PAM: variants seen among roughly 807,000 people sequenced by gnomAD.
PAM encodes the protein peptidylglycine alpha-amidating monooxygenase, also known as peptidyl-glycine alpha-amidating monooxygenase.
Under a neutral mutation model 122.1 loss-of-function variants are expected in PAM, and 72 were observed. The observed-to-expected ratio is 0.59, with a 90% CI of 0.49 to 0.72. The LOEUF is 0.72. PAM is among the 30% of genes least tolerant of loss of function. The probability of loss-of-function intolerance (pLI) is 0.00; values close to 1 mark genes in which losing one functional copy is unlikely to be tolerated. For missense variants in PAM, 1,106 were observed against 1,183.7 expected (o/e 0.93, Z 0.96); for synonymous variants, 389 against 404.4 (o/e 0.96, Z 0.46).
chr5:102,855,288 A>G (rs1046010663), intron 1 of PAM, among the ~76,000 whole-genome samples: 1 of 152,220 alleles, frequency 6.6e-6, no homozygotes, highest in Non-Finnish European at 1.5e-5. Flanking sequence ...ATAGGGTTAT[A>G]TGATTATAGA....
At chr5:102,972,048 A>T (rs1765991285) in intron 14 of PAM, among the ~76,000 whole-genome samples, 1 of 152,190 alleles carries the variant, frequency 6.6e-6, no homozygotes, top group African/African-American at 2.4e-5. Flanking sequence ...TAAATGATAA[A>T]TTCACATGAA....
chr5:103,007,304 A>G (rs1173914691), intron 19 of PAM, 153 bp from the exon 20 acceptor site: 1 of 677,544 alleles, frequency 1.5e-6, no homozygotes, highest in African/African-American at 1.8e-5. Flanking sequence ...GATAAAAGAC[A>G]TTATAAAATA....
rs868817922 is a variant in PAM at position 102,866,026 on chromosome 5, C to A, written c.-170C>A. 22 of 458,492 alleles carry A rather than the reference C, an allele frequency of 4.8e-5. No individual in the cohort carries two copies. Among genetic ancestry groups the A allele is most frequent in the Middle Eastern group, 5.5e-4 (1 of 1,808 alleles). 28.4% of individuals were successfully genotyped at this position (458,492 alleles called of 1,614,324 possible). On this transcript the variant is annotated 5_prime_UTR_variant, in exon 2 of 26. Transcript: ENST00000438793. ...GCCGCTCGTGACCGAGACGCCTCGC[C>A]GCGGCCAGCTCGCTGCTCTCGCTGG...
chr5:102,844,407 G>A (rs1779435827), intron 1 of PAM, among the ~76,000 whole-genome samples: 1 of 152,152 alleles, frequency 6.6e-6, no homozygotes, highest in South Asian at 2.1e-4. Flanking sequence ...AAACATGCCT[G>A]TAATTCCAGC....
At chr5:102,834,486 A>G (rs1223833633) in intron 1 of PAM, among the ~76,000 whole-genome samples, 2 of 152,294 alleles carry the variant, frequency 1.3e-5, no homozygotes, top group East Asian at 3.9e-4. Context: ...AAAACAAGTC[A>G]TATTGTAATG....
chr5:102,799,991 C>G (rs1348122176), intron 1 of PAM, among the ~76,000 whole-genome samples: 2 of 152,216 alleles, frequency 1.3e-5, no homozygotes, highest in Non-Finnish European at 2.9e-5. Context: ...CCCAAATTTA[C>G]ATTTCCAGTC....
intron 14 of PAM, among the ~76,000 whole-genome samples, chr5:102,967,463 A>G (rs1764445212): frequency 6.6e-6 from 1 of 152,188 alleles, no homozygotes; most frequent in Admixed American, 6.5e-5. Flanking sequence ...GCAAGGGCTG[A>G]CATTTTTAAC....
At position 102,882,104 on chromosome 5, in the gene PAM, T is replaced by C. The variant is rs201461842; in HGVS notation, c.210+14711T>C. Among the ~76,000 whole-genome samples, 49 of 98,670 alleles carry C rather than the reference T, an allele frequency of 5.0e-4. 3 individuals are homozygous for C. The East Asian group carries it at 7.1e-3, about 14-fold the overall frequency. The allele number at this position is 98,670 out of a possible 152,430, so 64.7% of individuals were successfully genotyped here. On this transcript the variant is annotated intron_variant, in intron 3 of 25. Coordinates refer to ENST00000438793, the MANE Select transcript of PAM (RefSeq NM_001177306.2). ...ATATATATATATATATATATATATA[T>C]ATATATACACCACATTTTCTTTATC...
At chr5:103,008,004 A>C (rs1779547913) in intron 20 of PAM, among the ~76,000 whole-genome samples, 1 of 152,154 alleles carries the variant, frequency 6.6e-6, no homozygotes, top group Admixed American at 6.5e-5. Flanking sequence ...TGATAAAATC[A>C]GTATTCAAAA....
At chr5:102,755,854 C>T (rs1362495963) in intron 1 of PAM, among the ~76,000 whole-genome samples, 1 of 152,062 alleles carries the variant, frequency 6.6e-6, no homozygotes, top group Non-Finnish European at 1.5e-5. Flanking sequence ...GGGGCGAGTG[C>T]CGGGAAGCAG....
chr5:102,859,534 T>C (rs1783557500), intron 1 of PAM, among the ~76,000 whole-genome samples: 1 of 152,142 alleles, frequency 6.6e-6, no homozygotes, highest in Non-Finnish European at 1.5e-5. Context: ...TTAAACAATT[T>C]TTAAAAGTTT....
intron 1 of PAM, among the ~76,000 whole-genome samples, chr5:102,793,009 C>T (rs992067366): frequency 6.6e-6 from 1 of 152,170 alleles, no homozygotes; most frequent in African/African-American, 2.4e-5. Flanking sequence ...CCTTTGGCAT[C>T]ATGGTTGGTT....
chr5:102,892,782 C>T (rs183961778), intron 3 of PAM, among the ~76,000 whole-genome samples: 1 of 151,780 alleles, frequency 6.6e-6, no homozygotes, highest in Non-Finnish European at 1.5e-5. Flanking sequence ...TACATACTGT[C>T]TTTAACAGGA....
chr5:102,930,797 G>C, intron 7 of PAM, among the ~76,000 whole-genome samples: 1 of 152,184 alleles, frequency 6.6e-6, no homozygotes. Flanking sequence ...TTGCAGCTTA[G>C]GAAGGCCAGA....
At chr5:102,862,223 C>CTTT (rs1156490190) in intron 1 of PAM, among the ~76,000 whole-genome samples, 1 of 135,742 alleles carries the variant, frequency 7.4e-6, no homozygotes, top group African/African-American at 2.7e-5. Flanking sequence ...CACATATTGT[C>CTTT]TTTTTTTTTT....
intron 1 of PAM, among the ~76,000 whole-genome samples, chr5:102,756,794 T>C (rs1750501501): frequency 6.6e-6 from 1 of 152,094 alleles, no homozygotes; most frequent in African/African-American, 2.4e-5. Flanking sequence ...AGAATTGATA[T>C]TAAATGGTAA....
Position 102,898,179 on chromosome 5 carries a change from G to C in PAM, c.211-3177G>C, listed in dbSNP as rs184102277. 5.4e-3 allele frequency among the ~76,000 whole-genome samples: 822 copies of C among 151,620 alleles called. 12 individuals carry two copies. The highest frequency in any genetic ancestry group is 5.5e-3 in the Non-Finnish European group (375 of 67,658). On this transcript the variant is annotated intron_variant, in intron 3 of 25. Coordinates refer to ENST00000438793, the MANE Select transcript of PAM (RefSeq NM_001177306.2). ...GCATCAGCAATATCATATCCCTCTC[G>C]ATTCAGATTCGGCTGATGTGCCAAA... is the stretch of plus-strand genomic sequence containing the variant.
At position 102,956,373 on chromosome 5, in the gene PAM, C is replaced by T. The variant is rs75177960; in HGVS notation, c.906-3502C>T. Among the ~76,000 whole-genome samples, 1,211 of 152,152 alleles carry T rather than the reference C, an allele frequency of 8.0e-3. 14 individuals carry two copies. The highest frequency in any genetic ancestry group is 0.027 in the African/African-American group (1,116 of 41,540). On this transcript the variant is annotated intron_variant, in intron 12 of 25. Transcript: ENST00000438793. ...ATTTTTCTCAAAAGTTAATTCAGTACATGGTAAGATAATTCACTTTTGAGG... is the reference window on the plus strand; with the variant it reads ...ATTTTTCTCAAAAGTTAATTCAGTATATGGTAAGATAATTCACTTTTGAGG...
intron 5 of PAM, among the ~76,000 whole-genome samples, chr5:102,918,928 A>G (rs952629291): frequency 6.6e-6 from 1 of 152,096 alleles, no homozygotes; most frequent in Non-Finnish European, 1.5e-5. Flanking sequence ...AGCTAAAATT[A>G]TTTTTAGTTC....
Sources: gnomAD v4.1 joint callset for allele counts (sites outside exome capture counted in the v4.1 genomes callset) on GRCh38, gnomAD v4.1.1 for gene constraint, MANE v1.5 for transcripts, NCBI Gene and HGNC (gene_info 2026-07-23, HGNC 2026-07-21) for gene names.